Variants in DPYD observed in about 807,000 individuals in gnomAD.
DPYD encodes the protein dihydropyrimidine dehydrogenase.
Under a neutral mutation model 116.2 loss-of-function variants are expected in DPYD, and 109 were observed. The observed-to-expected ratio is 0.94, with a 90% CI of 0.80 to 1.10. The LOEUF is 1.10. Ranked by LOEUF, DPYD falls within the 50% of genes least tolerant of loss-of-function variation. The pLI, the probability that DPYD is intolerant of heterozygous loss-of-function variation, is 0.00. For missense variants in DPYD, 1,302 were observed against 1,254.5 expected, an observed-to-expected ratio of 1.04 and a Z score of -0.57; for synonymous variants, 440 against 432.0, an observed-to-expected ratio of 1.02 and a Z score of -0.23.
chr1:97,341,261 C>T (rs1260414456), intron 16 of DPYD, among the ~76,000 whole-genome samples: 3 of 152,134 alleles, frequency 2.0e-5, no homozygotes, highest in Non-Finnish European at 2.9e-5. Flanking sequence ...CTGTCTCTGT[C>T]TCTCACTACA....
chr1:97,170,581 C>A (rs1656651020), intron 20 of DPYD, among the ~76,000 whole-genome samples: 1 of 152,140 alleles, frequency 6.6e-6, no homozygotes, highest in Non-Finnish European at 1.5e-5. Flanking sequence ...GGGATCTATG[C>A]AGACCTCAGG....
intron 8 of DPYD, among the ~76,000 whole-genome samples, chr1:97,661,990 C>CT (rs374466952): frequency 0.034 from 3,988 of 116,598 alleles, 165 homozygotes; most frequent in Admixed American, 0.052. Context: ...TCCAAGTCAA[C>CT]TTTTTTTTTT....
chr1:97,316,307 T>A (rs956408269), intron 16 of DPYD, among the ~76,000 whole-genome samples: 1 of 148,828 alleles, frequency 6.7e-6, no homozygotes, highest in African/African-American at 2.5e-5. Context: ...CTGGCCCACA[T>A]GGCAAATCCT....
At chr1:97,376,887 G>GTGTGTGTGTGTGTGTATATA in intron 15 of DPYD, among the ~76,000 whole-genome samples, 8 of 128,454 alleles carry the variant, frequency 6.2e-5, no homozygotes, top group African/African-American at 2.3e-4. Flanking sequence ...GTGTGTGTGT[G>GTGTGTGTGTGTGTGTATATA]TATATATATA....
intron 3 of DPYD, among the ~76,000 whole-genome samples, chr1:97,758,087 C>T (rs1665355258): frequency 6.6e-6 from 1 of 152,082 alleles, no homozygotes; most frequent in Admixed American, 6.6e-5. Flanking sequence ...TATAAATAAA[C>T]TCTTGAGGGA....
At chr1:97,514,114 T>A (rs1238100877) in intron 13 of DPYD, 2 of 795,480 alleles carry the variant, frequency 2.5e-6, no homozygotes. Flanking sequence ...TGAACCAGCA[T>A]CACACACTTC....
In DPYD at chr1:97,814,939, A is replaced by AAGGAG. The variant is rs1553245566; in HGVS notation, c.233+13174_233+13175insCTCCT. On this transcript the variant is annotated intron_variant, in intron 3 of 22. Transcript: ENST00000370192. ...AAAAAAAAGAAAGAGAGAGGAAAGAAAGAAAGAAAGAAAGAAAGGAGAGAA... is the reference window on the plus strand; with the variant it reads ...AAAAAAAAGAAAGAGAGAGGAAAGAAAGGAGAGAAAGAAAGAAAGAAAGGAGAGAA... Among the ~76,000 whole-genome samples, 711 of 102,712 alleles carry AAGGAG rather than the reference A, an allele frequency of 6.9e-3. 13 individuals are homozygous for AAGGAG. Among genetic ancestry groups the AAGGAG allele is most frequent in the African/African-American group, 0.019 (667 of 34,390 alleles). The allele number at this position is 102,712 out of a possible 152,430, so 67.4% of individuals were successfully genotyped here.
chr1:97,883,377 A>G lies in DPYD; in HGVS notation c.40-3T>C. 1 of 1,574,490 alleles carries G rather than the reference A, an allele frequency of 6.4e-7. No homozygotes were observed. The highest frequency in any genetic ancestry group is 1.3e-5 in the African/African-American group (1 of 74,412). On this transcript the variant is annotated splice_region_variant and splice_polypyrimidine_tract_variant and intron_variant, in intron 1 of 22. Coordinates refer to ENST00000370192, the MANE Select transcript of DPYD (RefSeq NM_000110.4). ...CGAGGATTTAAAGCCAGGATACTCTAAAGACAGCATAAACAATGTGTAAAT... is the reference window on the plus strand; with the variant it reads ...CGAGGATTTAAAGCCAGGATACTCTGAAGACAGCATAAACAATGTGTAAAT...
chr1:97,881,279 A>C (rs942554250), intron 2 of DPYD, among the ~76,000 whole-genome samples: 10 of 151,990 alleles, frequency 6.6e-5, no homozygotes, highest in African/African-American at 2.4e-4. Flanking sequence ...CGCACACCCA[A>C]AGTGAAAAAC....
chr1:97,685,965 A>T (rs1351017614), intron 7 of DPYD, among the ~76,000 whole-genome samples: 1 of 152,212 alleles, frequency 6.6e-6, no homozygotes, highest in Non-Finnish European at 1.5e-5. Context: ...TTCCTCACAG[A>T]GTTAGAAAAA....
chr1:97,376,647 AG>A (rs1671632848), intron 15 of DPYD, among the ~76,000 whole-genome samples: 1 of 152,180 alleles, frequency 6.6e-6, no homozygotes, highest in Non-Finnish European at 1.5e-5. Flanking sequence ...TTGCTGAATT[AG>A]CATGAAATGT....
intron 18 of DPYD, among the ~76,000 whole-genome samples, chr1:97,297,856 C>G (rs1186705274): frequency 6.6e-6 from 1 of 152,182 alleles, no homozygotes; most frequent in African/African-American, 2.4e-5. Flanking sequence ...TTGCCTAACT[C>G]ACACCTGTTT....
At chr1:97,800,758 G>A (rs1667806859) in intron 3 of DPYD, among the ~76,000 whole-genome samples, 2 of 151,736 alleles carry the variant, frequency 1.3e-5, no homozygotes, top group African/African-American at 2.4e-5. Context: ...CCTCCTCCCA[G>A]TAAACAGGAA....
At chr1:97,330,088 T>C (rs933420089) in intron 16 of DPYD, among the ~76,000 whole-genome samples, 2 of 152,060 alleles carry the variant, frequency 1.3e-5, no homozygotes, top group African/African-American at 4.8e-5. Flanking sequence ...TACTTATATT[T>C]CTTAATTCCT....
intron 5 of DPYD, among the ~76,000 whole-genome samples, chr1:97,713,904 T>G (rs1424245803): frequency 6.6e-6 from 1 of 152,104 alleles, no homozygotes; most frequent in African/African-American, 2.4e-5. Context: ...AGGGCAAGTG[T>G]GATATATCAT....
At chr1:97,702,122 C>A (rs1661632391) in intron 5 of DPYD, among the ~76,000 whole-genome samples, 1 of 151,446 alleles carries the variant, frequency 6.6e-6, no homozygotes, top group Non-Finnish European at 1.5e-5. Flanking sequence ...GCAATGTGAA[C>A]AAGGAACTAA....
At chr1:97,801,958 T>G (rs542953153) in intron 3 of DPYD, among the ~76,000 whole-genome samples, 1 of 151,870 alleles carries the variant, frequency 6.6e-6, no homozygotes, top group Non-Finnish European at 1.5e-5. Context: ...TATCTCCTTT[T>G]AATATTTTAG....
At chr1:97,355,525 A>G (rs4950028) in intron 16 of DPYD, among the ~76,000 whole-genome samples, 15,366 of 152,114 alleles carry the variant, frequency 0.1, 838 homozygotes, top group East Asian at 0.19. Context: ...TCTAATTGAG[A>G]CTTTACATCC....
chr1:97,627,722 A>G (rs973178688), intron 8 of DPYD, among the ~76,000 whole-genome samples: 1 of 152,028 alleles, frequency 6.6e-6, no homozygotes, highest in Non-Finnish European at 1.5e-5. Context: ...CTTCTCTCCA[A>G]GTATTCTATC....
Sources: gnomAD v4.1 joint callset for allele counts (sites outside exome capture counted in the v4.1 genomes callset) on GRCh38, gnomAD v4.1.1 for gene constraint, MANE v1.5 for transcripts, NCBI Gene and HGNC (gene_info 2026-07-23, HGNC 2026-07-21) for gene names.